The following PNPT1 variants were observed in gnomAD, a reference collection of about 807,000 sequenced individuals.
PNPT1 encodes the protein polyribonucleotide nucleotidyltransferase 1, also known as polyribonucleotide nucleotidyltransferase 1, mitochondrial.
A neutral mutation model predicts 119.5 loss-of-function variants in PNPT1; 53 were observed. The observed-to-expected ratio is 0.44, with a 90% confidence interval of 0.36 to 0.56. PNPT1 has a LOEUF of 0.56. PNPT1 is among the 20% of genes least tolerant of loss of function. The pLI, the probability that PNPT1 is intolerant of heterozygous loss-of-function variation, is 0.00. For synonymous variants in PNPT1, 357 were observed against 322.1 expected (o/e 1.11, Z -1.16); for missense variants, 948 against 938.5 (o/e 1.01, Z -0.13).
chr2:55,641,155 C>T (rs1368587586), intron 25 of PNPT1, among the ~76,000 whole-genome samples: 1 of 152,002 alleles, frequency 6.6e-6, no homozygotes, highest in African/African-American at 2.4e-5. Context: ...ACCCGAAAGG[C>T]GGAGGTGGCA....
intron 19 of PNPT1, among the ~76,000 whole-genome samples, chr2:55,647,070 C>T (rs1046741866): frequency 6.6e-6 from 1 of 152,068 alleles, no homozygotes; most frequent in Non-Finnish European, 1.5e-5. Context: ...CTCCTGACTT[C>T]CCAAAGTGCT....
chr2:55,654,151 G>A (rs1372001964), intron 18 of PNPT1, among the ~76,000 whole-genome samples: 1 of 151,974 alleles, frequency 6.6e-6, no homozygotes, highest in African/African-American at 2.4e-5. Flanking sequence ...CAGCTACTCA[G>A]GAGGCTGAGG....
At chr2:55,656,743 C>T (rs565308460) in intron 15 of PNPT1, among the ~76,000 whole-genome samples, 7 of 151,988 alleles carry the variant, frequency 4.6e-5, no homozygotes, top group Non-Finnish European at 8.8e-5. Flanking sequence ...ATAGCAAAGC[C>T]CACATTTATT....
At position 55,659,521 on chromosome 2, in the gene PNPT1, C is replaced by CT. The variant is rs371090953; in HGVS notation, c.1284+635dup. Among the ~76,000 whole-genome samples the CT allele has an allele frequency of 2.8e-3, 412 of 145,770 alleles. 2 individuals carry two copies. The highest frequency in any genetic ancestry group is 6.4e-3 in the African/African-American group (259 of 40,462). Reference sequence around the variant, plus strand: ...TTGACAGACGTGTATACAGGCATGACTTTTTTTTTTTTAACCTAAAACGAT... The same window carrying CT: ...TTGACAGACGTGTATACAGGCATGACTTTTTTTTTTTTTAACCTAAAACGAT... On this transcript the variant is annotated intron_variant, in intron 15 of 27. Transcript: ENST00000447944.
At chr2:55,662,187 T>C (rs1696600181) in intron 13 of PNPT1, among the ~76,000 whole-genome samples, 161 bp from the exon 14 acceptor site, 1 of 152,242 alleles carries the variant, frequency 6.6e-6, no homozygotes, top group Non-Finnish European at 1.5e-5. Context: ...ATTTATTCTA[T>C]AAATATTCAT....
intron 10 of PNPT1, 56 bp from the exon 11 acceptor site, chr2:55,671,432 T>C: frequency 1.9e-6 from 2 of 1,070,520 alleles, no homozygotes; most frequent in South Asian, 1.7e-5. Flanking sequence ...TTAATATTTC[T>C]GTTTTCTAAT....
rs756871789 is a variant in PNPT1 at position 55,667,813 on chromosome 2, T to C, written c.1073+49A>G. On this transcript the variant is annotated intron_variant, in intron 12 of 27. Coordinates refer to ENST00000447944, the MANE Select transcript of PNPT1 (RefSeq NM_033109.5). ...ATCAAGTTTCCATTTTCAAGGCAAC[T>C]TGCAGAGACAGTGCATACTTCAATT... The C allele has an allele frequency of 1.5e-5, 24 of 1,564,758 alleles. No homozygotes were observed. In the South Asian group the frequency reaches 2.7e-4, roughly 18 times the overall value.
intron 15 of PNPT1, among the ~76,000 whole-genome samples, chr2:55,659,727 G>A (rs542350795): frequency 6.6e-6 from 1 of 152,090 alleles, no homozygotes; most frequent in East Asian, 1.9e-4. Flanking sequence ...TCTACACAAA[G>A]CTTGCCATGC....
chr2:55,650,111 A>T (rs140580236), intron 18 of PNPT1, among the ~76,000 whole-genome samples: 4,067 of 150,092 alleles, frequency 0.027, 92 homozygotes, highest in Non-Finnish European at 0.039. Flanking sequence ...ATTCTTACTT[A>T]AAAAAAATCC....
chr2:55,679,089 A>G (rs1361896390), intron 8 of PNPT1, among the ~76,000 whole-genome samples: 2 of 152,186 alleles, frequency 1.3e-5, no homozygotes, highest in Admixed American at 6.5e-5. Flanking sequence ...TCTGACTGCT[A>G]AAGCCCATTT....
chr2:55,674,186 AT>A lies in PNPT1; in HGVS notation c.680-1108del, dbSNP rs543044524. On this transcript the variant is annotated intron_variant, in intron 8 of 27. Coordinates refer to ENST00000447944, the MANE Select transcript of PNPT1 (RefSeq NM_033109.5). The stretch of plus-strand genomic sequence containing the variant: ...GCCAACTAAAGGACTGAATAATAGA[AT>A]TTTTTCTATTGCATTAGAAATAGCT... Among the ~76,000 whole-genome samples the A allele has an allele frequency of 4.6e-5, 7 of 152,372 alleles. No homozygotes were observed. The East Asian group carries it at 1.3e-3, about 29-fold the overall frequency.
chr2:55,666,996 T>G lies in PNPT1; in HGVS notation c.1171A>C (p.Thr391Pro). 6.3e-7 allele frequency: 1 copy of G among 1,577,026 alleles called. No individual in the cohort carries two copies. The highest frequency in any genetic ancestry group is 8.6e-7 in the Non-Finnish European group (1 of 1,161,920). ...GAGCTTTTTATATAAATTACCTGTG[T>G]TTGTCCTCTTTGAAATAATGCTGAT... ...HGSALFQRGQ[T>P]QVLCTVTFDS... Residue 391 changes from threonine (T) to proline (P), a missense_variant, in exon 13 of 28, where the codon ACA becomes CCA. Coordinates refer to ENST00000447944, the MANE Select transcript of PNPT1 (RefSeq NM_033109.5).
chr2:55,691,338 CAATAATTATAT>C (rs1403271524), intron 1 of PNPT1, among the ~76,000 whole-genome samples: 1 of 152,138 alleles, frequency 6.6e-6, no homozygotes, highest in Non-Finnish European at 1.5e-5. Flanking sequence ...AAAACACCTA[CAATAATTATAT>C]AATCTTCCAG....
Position 55,645,824 on chromosome 2 carries a change from G to T in PNPT1, c.1739-392C>A, listed in dbSNP as rs182552486. 4.4e-3 allele frequency among the ~76,000 whole-genome samples: 552 copies of T among 124,298 alleles called. 2 individuals are homozygous for T. The highest frequency in any genetic ancestry group is 5.8e-3 in the Admixed American group (68 of 11,778). The allele number at this position is 124,298 out of a possible 152,430, so 81.5% of individuals were successfully genotyped here. On this transcript the variant is annotated intron_variant, in intron 21 of 27. Coordinates refer to ENST00000447944, the MANE Select transcript of PNPT1 (RefSeq NM_033109.5). ...AGGATGAGCCACCATGCCATGCCTG[G>T]CTACTTAGTACTTCTTTTTTTTTGA...
chr2:55,637,492 A>G, intron 27 of PNPT1, 60 bp downstream of exon 27: 1 of 1,466,032 alleles, frequency 6.8e-7, no homozygotes, highest in Non-Finnish European at 9.5e-7. Context: ...TTTTGAAAAA[A>G]ACAATGGAAG....
intron 15 of PNPT1, among the ~76,000 whole-genome samples, chr2:55,657,055 G>A (rs555128862): frequency 6.1e-4 from 93 of 152,290 alleles, no homozygotes; most frequent in Middle Eastern, 3.4e-3. Flanking sequence ...CAGGCCGGGC[G>A]CAGTGGCTCA....
intron 8 of PNPT1, among the ~76,000 whole-genome samples, chr2:55,676,995 CT>C (rs1345511625): frequency 1.5e-4 from 23 of 152,244 alleles, no homozygotes; most frequent in African/African-American, 5.5e-4. Context: ...CCGATGTTAA[CT>C]TTAACAGGTA....
rs555342622 is a variant in PNPT1 at position 55,691,791 on chromosome 2, G to A, written c.161+1872C>T. 8.1e-5 allele frequency among the ~76,000 whole-genome samples: 12 copies of A among 148,814 alleles called. No homozygotes were observed. The South Asian group carries it at 8.6e-4, about 11-fold the overall frequency. On this transcript the variant is annotated intron_variant, in intron 1 of 27. Transcript: ENST00000447944. ...AAGCCTTAGAGATAACCTAGTCTAG[G>A]GGTGACCAAACTACAGCTTGTGGCC...
chr2:55,678,785 C>T (rs1041676438), intron 8 of PNPT1, among the ~76,000 whole-genome samples: 2 of 152,160 alleles, frequency 1.3e-5, no homozygotes, highest in African/African-American at 4.8e-5. Flanking sequence ...AACACAACCC[C>T]CAACTAATAT....
Sources: gnomAD v4.1 joint callset for allele counts (sites outside exome capture counted in the v4.1 genomes callset) on GRCh38, gnomAD v4.1.1 for gene constraint, MANE v1.5 for transcripts, NCBI Gene and HGNC (gene_info 2026-07-23, HGNC 2026-07-21) for gene names.